The following FAM120A variants were observed in gnomAD, a reference collection of about 807,000 sequenced individuals.
FAM120A encodes the protein family with sequence similarity 120 member A.
In FAM120A, 15 loss-of-function variants were observed where a neutral mutation model predicts 109.7. That is an observed-to-expected ratio of 0.14 (90% CI 0.09 to 0.21). The LOEUF (loss-of-function observed/expected upper bound fraction) is 0.21, where lower values mean the gene tolerates loss of function less well. Ranked by LOEUF, FAM120A falls within the 10% of genes least tolerant of loss-of-function variation. The pLI is 1.00. For missense variants in FAM120A, 899 were observed against 1,439.3 expected, an observed-to-expected ratio of 0.62 and a Z score of 6.07; for synonymous variants, 493 against 572.8, an observed-to-expected ratio of 0.86 and a Z score of 1.99.
chr9:93,453,785 G>A (rs916203427), intron 1 of FAM120A, among the ~76,000 whole-genome samples: 1 of 152,176 alleles, frequency 6.6e-6, no homozygotes, highest in Non-Finnish European at 1.5e-5. Context: ...AGGGAAGTAA[G>A]GTGCTGCCAT....
chr9:93,560,164 G>A (rs1226609646), intron 15 of FAM120A, among the ~76,000 whole-genome samples: 3 of 152,006 alleles, frequency 2.0e-5, no homozygotes, highest in African/African-American at 4.8e-5. Context: ...GTATGGTGGT[G>A]CACACCTGTA....
chr9:93,546,395 C>G (rs1487800152), intron 11 of FAM120A, among the ~76,000 whole-genome samples: 1 of 152,194 alleles, frequency 6.6e-6, no homozygotes, highest in Non-Finnish European at 1.5e-5. Flanking sequence ...AGAGGATGAG[C>G]TGCTGTTGCA....
At chr9:93,511,730 G>A (rs1052331824) in intron 5 of FAM120A, among the ~76,000 whole-genome samples, 10 of 152,192 alleles carry the variant, frequency 6.6e-5, no homozygotes, top group Admixed American at 3.3e-4. Flanking sequence ...GTTTAATCTT[G>A]GACTCGACAT....
chr9:93,464,052 T>C (rs1857907212), intron 1 of FAM120A, among the ~76,000 whole-genome samples: 1 of 152,214 alleles, frequency 6.6e-6, no homozygotes, highest in Non-Finnish European at 1.5e-5. Flanking sequence ...AGTATTAAAG[T>C]AGGCAGTGGA....
chr9:93,459,954 G>C (rs139914463), intron 1 of FAM120A, among the ~76,000 whole-genome samples: 8 of 152,334 alleles, frequency 5.3e-5, no homozygotes, highest in African/African-American at 1.9e-4. Context: ...GTTTGCGATA[G>C]AGATGTCCAA....
intron 3 of FAM120A, among the ~76,000 whole-genome samples, chr9:93,476,953 T>G (rs1374408499): frequency 2.6e-5 from 4 of 151,902 alleles, no homozygotes; most frequent in Non-Finnish European, 5.9e-5. Flanking sequence ...GAGTAATGAG[T>G]GAGATATGCA....
chr9:93,471,777 A>G (rs889433337), intron 2 of FAM120A, among the ~76,000 whole-genome samples: 1 of 152,218 alleles, frequency 6.6e-6, no homozygotes, highest in Non-Finnish European at 1.5e-5. Context: ...TAGAATGGTT[A>G]TGTTTTCACC....
At chr9:93,514,797 C>T (rs898716607) in intron 5 of FAM120A, among the ~76,000 whole-genome samples, 7 of 152,234 alleles carry the variant, frequency 4.6e-5, no homozygotes, top group Admixed American at 1.3e-4. Context: ...TCATTCACTT[C>T]TGTTGGCTGA....
At chr9:93,493,111 G>T (rs573210730) in intron 3 of FAM120A, among the ~76,000 whole-genome samples, 1 of 152,220 alleles carries the variant, frequency 6.6e-6, no homozygotes, top group African/African-American at 2.4e-5. Flanking sequence ...GGCTCTCCGG[G>T]TGCTACTGCC....
intron 2 of FAM120A, among the ~76,000 whole-genome samples, chr9:93,474,563 G>A (rs138327396): frequency 6.6e-6 from 1 of 152,084 alleles, no homozygotes; most frequent in Non-Finnish European, 1.5e-5. Flanking sequence ...TCGAATTGAA[G>A]CTTCCAAAAT....
intron 10 of FAM120A, among the ~76,000 whole-genome samples, chr9:93,537,026 T>C (rs562621757): frequency 5.9e-5 from 9 of 152,236 alleles, no homozygotes; most frequent in East Asian, 3.9e-4. Flanking sequence ...CACCTGCTGG[T>C]AGGGAGGGTG....
chr9:93,523,286 C>T (rs374066128), intron 7 of FAM120A: 4 of 1,287,976 alleles, frequency 3.1e-6, no homozygotes, highest in Non-Finnish European at 4.0e-6. Flanking sequence ...TAAGGCCTTT[C>T]CAACTCTACT....
At position 93,557,876 on chromosome 9, in the gene FAM120A, G is replaced by T; in HGVS notation, c.2534G>T (p.Gly845Val). Reference protein sequence around the residue: ...VEKMRQSVLEGLSFSRQSHTL... With the variant: ...VEKMRQSVLEVLSFSRQSHTL... ...AAGATGCGCCAGAGCGTCCTCGAGG[G>T]GCTCAGCTTCTCCAGGCAGAGCCAC... is the stretch of plus-strand genomic sequence containing the variant. Residue 845 changes from glycine to valine, a missense_variant, in exon 14 of 18, where the codon GGG (glycine) becomes GTG (valine). By Grantham distance (109) the Gly-to-Val change is moderately radical (BLOSUM62 -3). Around this residue, in one of 11 missense-constraint regions of FAM120A, gnomAD observed 129 missense variants for 153.4 expected, o/e 0.84. Transcript: ENST00000277165. 1 of 1,613,666 alleles carries T rather than the reference G, an allele frequency of 6.2e-7. No homozygotes were observed. The highest frequency in any genetic ancestry group is 8.5e-7 in the Non-Finnish European group (1 of 1,180,020).
chr9:93,543,700 T>C lies in FAM120A; in HGVS notation c.2159+229T>C, dbSNP rs60219039. On this transcript the variant is annotated intron_variant, in intron 11 of 17. Coordinates refer to ENST00000277165, the MANE Select transcript of FAM120A (RefSeq NM_014612.5). ...TGTTTATAGGTATATTTTGTAAGCA[T>C]GTATGGTATGTAAATATTATATAAT... Among the ~76,000 whole-genome samples, 4,670 of 152,344 alleles carry C rather than the reference T, an allele frequency of 0.031. 251 individuals carry two copies. The highest frequency in any genetic ancestry group is 0.11 in the African/African-American group (4,459 of 41,572).
At chr9:93,528,029 G>A (rs1183494925) in intron 8 of FAM120A, among the ~76,000 whole-genome samples, 7 of 152,140 alleles carry the variant, frequency 4.6e-5, no homozygotes, top group Non-Finnish European at 5.9e-5. Flanking sequence ...AGAAGGAGCC[G>A]GTTTCCTGCC....
intron 10 of FAM120A, among the ~76,000 whole-genome samples, chr9:93,533,411 G>T (rs1433767088): frequency 6.6e-6 from 1 of 152,214 alleles, no homozygotes; most frequent in Non-Finnish European, 1.5e-5. Context: ...TGATTGCTGA[G>T]CTGCTGGTGT....
intron 10 of FAM120A, among the ~76,000 whole-genome samples, chr9:93,535,773 A>G (rs1375194118): frequency 6.6e-6 from 1 of 152,206 alleles, no homozygotes; most frequent in Non-Finnish European, 1.5e-5. Context: ...TCCAGAAGGG[A>G]AATTTTTGTT....
Position 93,542,137 on chromosome 9 carries a change from A to G in FAM120A, c.1910-1085A>G, listed in dbSNP as rs1861722181. On this transcript the variant is annotated intron_variant, in intron 10 of 17. Coordinates refer to ENST00000277165, the MANE Select transcript of FAM120A (RefSeq NM_014612.5). ...TGAAGATCAAATTAGAGTTTATGATAGCATCCTGGTCTCCGTACAGACACT... is the reference window on the plus strand; with the variant it reads ...TGAAGATCAAATTAGAGTTTATGATGGCATCCTGGTCTCCGTACAGACACT... Among the ~76,000 whole-genome samples, 4 of 152,236 alleles carry G rather than the reference A, an allele frequency of 2.6e-5. No homozygotes were observed. In the South Asian group the frequency reaches 8.3e-4, roughly 32 times the overall value.
intron 1 of FAM120A, 107 bp from the exon 2 acceptor site, chr9:93,471,034 G>A: frequency 1.5e-6 from 2 of 1,375,286 alleles, no homozygotes; most frequent in Non-Finnish European, 2.0e-6. Flanking sequence ...TTCACGGATA[G>A]TTTTCATAAA....
Sources: gnomAD v4.1 joint callset for allele counts (sites outside exome capture counted in the v4.1 genomes callset) on GRCh38, gnomAD v4.1.1 for gene constraint, gnomAD v4.1.1 regional missense constraint, MANE v1.5 for transcripts, NCBI Gene and HGNC (gene_info 2026-07-23, HGNC 2026-07-21) for gene names.